Variants in DPP10 observed in about 807,000 individuals in gnomAD.
DPP10 encodes the protein inactive dipeptidyl peptidase 10.
In DPP10, 33 loss-of-function variants were observed where a neutral mutation model predicts 120.9. The observed-to-expected ratio is 0.27, with a 90% confidence interval of 0.21 to 0.37. The LOEUF (loss-of-function observed/expected upper bound fraction) is 0.37, where lower values mean the gene tolerates loss of function less well. Ranked by LOEUF, DPP10 falls within the 10% of genes least tolerant of loss-of-function variation. DPP10 has a pLI of 1.00. For synonymous variants in DPP10, 337 were observed against 326.1 expected (o/e 1.03, Z -0.36); for missense variants, 816 against 942.8 (o/e 0.87, Z 1.76).
intron 3 of DPP10, among the ~76,000 whole-genome samples, chr2:115,377,514 C>T (rs1372962623): frequency 2.0e-5 from 3 of 152,118 alleles, no homozygotes; most frequent in Admixed American, 2.0e-4. Flanking sequence ...CCTGTTCACT[C>T]TGATGGTAGT....
intron 1 of DPP10, among the ~76,000 whole-genome samples, chr2:115,066,046 A>G (rs1285863262): frequency 6.6e-6 from 1 of 152,216 alleles, no homozygotes; most frequent in Non-Finnish European, 1.5e-5. Context: ...AACTATTTGC[A>G]TCTACCATTA....
At chr2:114,957,927 G>A (rs1698333627) in intron 1 of DPP10, among the ~76,000 whole-genome samples, 1 of 152,170 alleles carries the variant, frequency 6.6e-6, no homozygotes, top group Non-Finnish European at 1.5e-5. Context: ...TAGAGAGAAT[G>A]GTGGTTACCA....
At chr2:115,613,614 A>G (rs1049118774) in intron 5 of DPP10, among the ~76,000 whole-genome samples, 4 of 152,130 alleles carry the variant, frequency 2.6e-5, no homozygotes, top group Admixed American at 6.6e-5. Context: ...TTCAATTCCC[A>G]CAAGCCTCCA....
intron 1 of DPP10, among the ~76,000 whole-genome samples, chr2:114,783,045 C>T (rs1400075459): frequency 6.6e-6 from 1 of 151,956 alleles, no homozygotes; most frequent in Non-Finnish European, 1.5e-5. Flanking sequence ...AATTAAAATA[C>T]AGATTAGAAA....
chr2:114,826,818 G>T (rs539569350), intron 1 of DPP10, among the ~76,000 whole-genome samples: 4 of 152,168 alleles, frequency 2.6e-5, no homozygotes, highest in African/African-American at 9.7e-5. Context: ...GTGAGCCACC[G>T]TGCTGGGCCA....
chr2:114,500,115 G>C (rs1683029555), intron 1 of DPP10, among the ~76,000 whole-genome samples: 1 of 152,162 alleles, frequency 6.6e-6, no homozygotes, highest in African/African-American at 2.4e-5. Context: ...TGCTGTTTCT[G>C]CACAATGCAG....
At chr2:115,644,022 A>G (rs934441562) in intron 5 of DPP10, among the ~76,000 whole-genome samples, 1 of 152,200 alleles carries the variant, frequency 6.6e-6, no homozygotes, top group African/African-American at 2.4e-5. Flanking sequence ...CAATCAGGTC[A>G]GTTGACTTTG....
At chr2:115,483,690 T>C (rs1261637429) in intron 3 of DPP10, among the ~76,000 whole-genome samples, 1 of 152,146 alleles carries the variant, frequency 6.6e-6, no homozygotes, top group Non-Finnish European at 1.5e-5. Context: ...ATTCATGTTC[T>C]AACACTGATT....
At chr2:115,614,247 C>T (rs1379022180) in intron 5 of DPP10, among the ~76,000 whole-genome samples, 1 of 152,134 alleles carries the variant, frequency 6.6e-6, no homozygotes, top group African/African-American at 2.4e-5. Context: ...TTGATAATAT[C>T]GTAGGTGGGA....
chr2:115,113,946 G>A (rs11890310), intron 1 of DPP10, among the ~76,000 whole-genome samples: 1,930 of 152,212 alleles, frequency 0.013, 32 homozygotes, highest in African/African-American at 0.044. Context: ...AGAAGCTGGG[G>A]GAAAAGCACT....
chr2:114,466,807 G>A (rs567090250), intron 1 of DPP10, among the ~76,000 whole-genome samples: 7 of 152,266 alleles, frequency 4.6e-5, no homozygotes, highest in African/African-American at 1.4e-4. Context: ...ACTTTGGGAG[G>A]CTGAGGTGGG....
chr2:115,436,838 ATATG>A (rs1276205496), intron 3 of DPP10, among the ~76,000 whole-genome samples: 3 of 151,908 alleles, frequency 2.0e-5, no homozygotes, highest in Non-Finnish European at 4.4e-5. Context: ...TGGGATATAT[ATATG>A]AGGCATTTTA....
intron 1 of DPP10, among the ~76,000 whole-genome samples, chr2:114,814,323 T>A (rs1265950065): frequency 2.0e-5 from 3 of 152,164 alleles, no homozygotes; most frequent in South Asian, 4.2e-4. Flanking sequence ...TATGTTCAAA[T>A]TGAGAACGTG....
At chr2:115,268,173 G>A (rs1442385935) in intron 1 of DPP10, among the ~76,000 whole-genome samples, 1 of 152,130 alleles carries the variant, frequency 6.6e-6, no homozygotes, top group East Asian at 1.9e-4. Context: ...TTCCAGTTAT[G>A]TGACAGACTC....
intron 3 of DPP10, among the ~76,000 whole-genome samples, chr2:115,448,044 G>A (rs2072771137): frequency 6.6e-6 from 1 of 152,196 alleles, no homozygotes; most frequent in South Asian, 2.1e-4. Context: ...ACATAACATT[G>A]TTTAAGTTCG....
At chr2:115,633,653 T>TGTTA (rs1317120197) in intron 5 of DPP10, among the ~76,000 whole-genome samples, 3 of 152,182 alleles carry the variant, frequency 2.0e-5, no homozygotes, top group African/African-American at 7.2e-5. Flanking sequence ...AGAGGTCCAC[T>TGTTA]GTTAGTCTGA....
chr2:114,816,557 A>G (rs1009572210), intron 1 of DPP10, among the ~76,000 whole-genome samples: 1 of 151,928 alleles, frequency 6.6e-6, no homozygotes, highest in Non-Finnish European at 1.5e-5. Context: ...TCCCCACCCC[A>G]TCTCTTGATT....
intron 2 of DPP10, among the ~76,000 whole-genome samples, chr2:115,343,335 T>G (rs902022324): frequency 5.9e-5 from 9 of 152,312 alleles, no homozygotes; most frequent in African/African-American, 2.2e-4. Flanking sequence ...TGGAAGTAGG[T>G]AATTACTCTA....
chr2:114,919,452 G>A (rs972786170), intron 1 of DPP10, among the ~76,000 whole-genome samples: 11 of 152,204 alleles, frequency 7.2e-5, no homozygotes, highest in African/African-American at 2.7e-4. Context: ...GACATTGAAG[G>A]TGTTAGACTG....
Sources: allele counts gnomAD v4.1 joint callset (sites outside exome capture counted in the v4.1 genomes callset), GRCh38; gene constraint gnomAD v4.1.1; transcripts MANE v1.5; gene names NCBI Gene and HGNC (gene_info 2026-07-23, HGNC 2026-07-21).